Variants in SCHIP1 observed in about 807,000 individuals in gnomAD.
The protein encoded by SCHIP1 is schwannomin-interacting protein 1.
A neutral mutation model predicts 29.7 loss-of-function variants in SCHIP1; 8 were observed. That is an observed-to-expected ratio of 0.27 (90% CI 0.16 to 0.49). The LOEUF (loss-of-function observed/expected upper bound fraction) is 0.49. SCHIP1 is among the 20% of genes least tolerant of loss of function. The pLI is 0.99. For missense variants in SCHIP1, 193 were observed against 294.6 expected, an observed-to-expected ratio of 0.66 and a Z score of 2.52; for synonymous variants, 76 against 94.9, an observed-to-expected ratio of 0.80 and a Z score of 1.16.
chr3:159,640,249 T>G, the SCHIP1 span, among the ~76,000 whole-genome samples: 1 of 152,158 alleles, frequency 6.6e-6, no homozygotes, highest in Non-Finnish European at 1.5e-5. Flanking sequence ...GAACATTGAT[T>G]CCCAGGGTAT....
chr3:159,736,885 C>T, the SCHIP1 span, among the ~76,000 whole-genome samples: 1 of 152,204 alleles, frequency 6.6e-6, no homozygotes, highest in Non-Finnish European at 1.5e-5. Flanking sequence ...CAGGCACCCG[C>T]CACCACGCCC....
the SCHIP1 span, among the ~76,000 whole-genome samples, chr3:159,595,262 T>A: frequency 8.5e-5 from 13 of 152,278 alleles, no homozygotes; most frequent in South Asian, 2.7e-3. Context: ...TCTATAGCTA[T>A]CAAATCAAGG....
chr3:159,398,237 G>A, the SCHIP1 span, among the ~76,000 whole-genome samples: 1 of 152,232 alleles, frequency 6.6e-6, no homozygotes, highest in South Asian at 2.1e-4. Flanking sequence ...GCACTCCCTA[G>A]TGAGATGAAC....
chr3:159,828,459 A>ATGTATATATACG, the SCHIP1 span, among the ~76,000 whole-genome samples: 5,631 of 132,274 alleles, frequency 0.043, 840 homozygotes, highest in African/African-American at 0.16. Flanking sequence ...ATACGTATAT[A>ATGTATATATACG]TATGTATATA....
chr3:159,799,767 G>C, the SCHIP1 span, among the ~76,000 whole-genome samples: 1 of 152,214 alleles, frequency 6.6e-6, no homozygotes, highest in South Asian at 2.1e-4. Context: ...GGAGGGATGG[G>C]TTGGGGCCAG....
chr3:159,388,164 A>AT, the SCHIP1 span, among the ~76,000 whole-genome samples: 1,273 of 152,208 alleles, frequency 8.4e-3, 10 homozygotes, highest in Middle Eastern at 0.017. Context: ...GCAAATTATA[A>AT]TTTTTTTATA....
the SCHIP1 span, among the ~76,000 whole-genome samples, chr3:159,335,876 G>A: frequency 2.1e-4 from 32 of 152,142 alleles, no homozygotes; most frequent in African/African-American, 6.8e-4. Context: ...GGATGGCTGC[G>A]TCAAATGGTA....
intron 2 of SCHIP1, among the ~76,000 whole-genome samples, chr3:159,882,443 C>T (rs1458068469): frequency 6.6e-6 from 1 of 151,562 alleles, no homozygotes; most frequent in Non-Finnish European, 1.5e-5. Context: ...AGTAGAAAAG[C>T]AAGTAGAAAA....
intron 2 of SCHIP1, among the ~76,000 whole-genome samples, chr3:159,882,511 C>T (rs1450494518): frequency 2.6e-5 from 4 of 152,170 alleles, no homozygotes; most frequent in African/African-American, 7.2e-5. Context: ...AGCCCAATCC[C>T]GGTCACTACA....
the SCHIP1 span, among the ~76,000 whole-genome samples, chr3:159,621,175 T>C: frequency 3.3e-5 from 5 of 152,318 alleles, no homozygotes; most frequent in African/African-American, 1.2e-4. Context: ...CCTAAAACCC[T>C]GCAGGTTCCT....
At chr3:159,567,888 G>A in the SCHIP1 span, among the ~76,000 whole-genome samples, 2 of 152,052 alleles carry the variant, frequency 1.3e-5, no homozygotes, top group Admixed American at 6.6e-5. Flanking sequence ...ATTGAATTTA[G>A]GAATGTTAAT....
At chr3:159,871,491 A>G (rs1269958843) in intron 2 of SCHIP1, among the ~76,000 whole-genome samples, 1 of 152,194 alleles carries the variant, frequency 6.6e-6, no homozygotes, top group Non-Finnish European at 1.5e-5. Context: ...CACTGTAACT[A>G]TTGCCTAAAA....
the SCHIP1 span, among the ~76,000 whole-genome samples, chr3:159,626,720 A>T: frequency 2.6e-5 from 4 of 152,252 alleles, no homozygotes; most frequent in African/African-American, 9.6e-5. Context: ...TCATGTGAGG[A>T]TTCTACAGGC....
chr3:159,758,603 G>T, the SCHIP1 span, among the ~76,000 whole-genome samples: 1 of 152,204 alleles, frequency 6.6e-6, no homozygotes, highest in Admixed American at 6.5e-5. Flanking sequence ...AGAACAGCAG[G>T]CTGCCTCTTC....
the SCHIP1 span, among the ~76,000 whole-genome samples, chr3:159,692,268 C>T: frequency 6.6e-6 from 1 of 152,066 alleles, no homozygotes; most frequent in African/African-American, 2.4e-5. Flanking sequence ...TGAATGTTGG[C>T]CTGCCTTGCT....
At chr3:159,276,877 A>G in the SCHIP1 span, among the ~76,000 whole-genome samples, 50,063 of 152,052 alleles carry the variant, frequency 0.33, 9,142 homozygotes, top group Non-Finnish European at 0.42. Flanking sequence ...ACAAGTACAC[A>G]TCCAGGCAGC....
At chr3:159,711,603 T>C in the SCHIP1 span, among the ~76,000 whole-genome samples, 1 of 152,124 alleles carries the variant, frequency 6.6e-6, no homozygotes, top group Non-Finnish European at 1.5e-5. Flanking sequence ...GTAGGGACTA[T>C]GTAACCTAGA....
At chr3:159,607,932 G>A in the SCHIP1 span, among the ~76,000 whole-genome samples, 1 of 152,184 alleles carries the variant, frequency 6.6e-6, no homozygotes, top group Non-Finnish European at 1.5e-5. Context: ...ATGAAGCACG[G>A]GAAGTCGGCA....
the SCHIP1 span, among the ~76,000 whole-genome samples, chr3:159,320,188 TAAAC>T: frequency 2.0e-5 from 3 of 152,226 alleles, no homozygotes; most frequent in Admixed American, 6.5e-5. Flanking sequence ...CAACTGTTAT[TAAAC>T]AAAGAAAAAT....
Sources: gnomAD v4.1 joint callset for allele counts (sites outside exome capture counted in the v4.1 genomes callset) on GRCh38, gnomAD v4.1.1 for gene constraint, MANE v1.5 for transcripts, NCBI Gene and HGNC (gene_info 2026-07-23, HGNC 2026-07-21) for gene names.